RMND5A: variants seen among roughly 807,000 people sequenced by gnomAD.
The protein encoded by RMND5A is E3 ubiquitin-protein transferase RMND5A.
In RMND5A, 17 loss-of-function variants were observed where a neutral mutation model predicts 49.7. The observed-to-expected ratio is 0.34, with a 90% CI of 0.23 to 0.51. The LOEUF (loss-of-function observed/expected upper bound fraction) is 0.51. RMND5A is among the 20% of genes least tolerant of loss of function. RMND5A has a pLI of 0.96. For synonymous variants in RMND5A, 156 were observed against 167.7 expected, an observed-to-expected ratio of 0.93 and a Z score of 0.54; for missense variants, 255 against 471.3, an observed-to-expected ratio of 0.54 and a Z score of 4.25.
chr2:86,766,677 A>G (rs1258192706), intron 6 of RMND5A, among the ~76,000 whole-genome samples: 2 of 151,440 alleles, frequency 1.3e-5, no homozygotes, highest in East Asian at 3.9e-4. Flanking sequence ...AAAAAAAAAA[A>G]AAAAAGAAAA....
intron 4 of RMND5A, among the ~76,000 whole-genome samples, chr2:86,754,641 A>C (rs1681697191): frequency 6.6e-6 from 1 of 151,920 alleles, no homozygotes; most frequent in Admixed American, 6.6e-5. Context: ...ATCATGGCTC[A>C]CTCCAGCCCC....
intron 4 of RMND5A, among the ~76,000 whole-genome samples, chr2:86,762,700 C>CATATATATATCAT (rs1380564565): frequency 5.5e-4 from 3 of 5,498 alleles, no homozygotes; most frequent in African/African-American, 1.8e-3. Flanking sequence ...TCATATATAT[C>CATATATATATCAT]ATATATATCA....
rs1486085806 is a variant in RMND5A, at chr2:86,762,702, TATATATC to T, written c.522-2318_522-2312del. Among the ~76,000 whole-genome samples, 11 of 17,032 alleles carry T rather than the reference TATATATC, an allele frequency of 6.5e-4. No homozygotes were observed. The East Asian group carries it at 0.057, about 88-fold the overall frequency. The allele number at this position is 17,032 out of a possible 152,430, so 11.2% of individuals were successfully genotyped here. ...TATCATATATATATCATATATATCA[TATATATC>T]ATATATATCATATATATCATATATA... On this transcript the variant is annotated intron_variant, in intron 4 of 8. Coordinates refer to ENST00000283632, the MANE Select transcript of RMND5A (RefSeq NM_022780.4).
intron 3 of RMND5A, 79 bp downstream of exon 3, chr2:86,752,109 T>G (rs1681646248): frequency 7.6e-7 from 1 of 1,321,794 alleles, no homozygotes; most frequent in Admixed American, 2.1e-5. Flanking sequence ...CAGGGTGGGG[T>G]TTTGAGTCTT....
In RMND5A at chr2:86,738,567, G is replaced by GT. The variant is rs1431844200; in HGVS notation, c.143-2350dup. Among the ~76,000 whole-genome samples the GT allele has an allele frequency of 5.8e-3, 319 of 54,924 alleles. 87 individuals are homozygous for GT. Among genetic ancestry groups the GT allele is most frequent in the African/African-American group, 0.023 (296 of 12,660 alleles). 36.0% of individuals were successfully genotyped at this position (54,924 alleles called of 152,430 possible). On this transcript the variant is annotated intron_variant, in intron 1 of 8. Transcript: ENST00000283632. Reference sequence around the variant, plus strand: ...CAAAAAAAAAAAATGTTTTTTGTGGGTTTTTTTTTTAATTAGTTTACATGC... The same window carrying GT: ...CAAAAAAAAAAAATGTTTTTTGTGGGTTTTTTTTTTTAATTAGTTTACATGC...
intron 1 of RMND5A, among the ~76,000 whole-genome samples, chr2:86,721,355 G>T (rs6716259): frequency 0.038 from 5,764 of 151,808 alleles, 249 homozygotes; most frequent in East Asian, 0.1. Flanking sequence ...GTTAACAACA[G>T]CCGCTCCTGC....
At position 86,770,136 on chromosome 2, in the gene RMND5A, T is replaced by A. The variant is rs1266175155; in HGVS notation, c.957+11T>A. 1 of 1,557,176 alleles carries A rather than the reference T, an allele frequency of 6.4e-7. No homozygotes were observed. Among genetic ancestry groups the A allele is most frequent in the African/African-American group, 1.4e-5 (1 of 73,804 alleles). On this transcript the variant is annotated intron_variant, in intron 7 of 8. Coordinates refer to ENST00000283632, the MANE Select transcript of RMND5A (RefSeq NM_022780.4). ...AAAGATGAATTACCTGTGAGTTCCA[T>A]TTTCTATTGGCTATTTACTTTTACT...
intron 4 of RMND5A, among the ~76,000 whole-genome samples, chr2:86,759,787 G>A (rs1251306609): frequency 6.6e-6 from 1 of 151,880 alleles, no homozygotes; most frequent in Non-Finnish European, 1.5e-5. Flanking sequence ...GCAACAGAAT[G>A]AGACTCTGTC....
At chr2:86,768,442 A>C (rs1350944942) in intron 6 of RMND5A, among the ~76,000 whole-genome samples, 1 of 152,208 alleles carries the variant, frequency 6.6e-6, no homozygotes, top group Non-Finnish European at 1.5e-5. Flanking sequence ...GATGCCATCA[A>C]GTTCTCTGAG....
chr2:86,769,913 T>C, intron 6 of RMND5A, 110 bp from the exon 7 acceptor site: 1 of 726,168 alleles, frequency 1.4e-6, no homozygotes, highest in African/African-American at 1.8e-5. Flanking sequence ...TCTCACCCTG[T>C]CCAGTGGCCA....
intron 8 of RMND5A, among the ~76,000 whole-genome samples, chr2:86,773,036 C>A (rs970221047): frequency 6.6e-6 from 1 of 152,190 alleles, no homozygotes; most frequent in Non-Finnish European, 1.5e-5. Flanking sequence ...CTGTTGCAAC[C>A]TAAACCTTTG....
At chr2:86,723,864 C>T (rs1202038211) in intron 1 of RMND5A, among the ~76,000 whole-genome samples, 1 of 147,424 alleles carries the variant, frequency 6.8e-6, no homozygotes, top group Non-Finnish European at 1.5e-5. Context: ...CTGCAGTGAG[C>T]CCTAAAATTT....
rs1375790589 is a variant in RMND5A, at chr2:86,727,684, G to GCC, written c.142+6877_142+6878dup. Among the ~76,000 whole-genome samples, 9 of 78,160 alleles carry GCC rather than the reference G, an allele frequency of 1.2e-4. 4 individuals carry two copies. The highest frequency in any genetic ancestry group is 3.0e-4 in the Admixed American group (2 of 6,764). 51.3% of individuals were successfully genotyped at this position (78,160 alleles called of 152,430 possible). On this transcript the variant is annotated intron_variant, in intron 1 of 8. Coordinates refer to ENST00000283632, the MANE Select transcript of RMND5A (RefSeq NM_022780.4). ...CAGTTTAGGGAGAAAATTGTGGAGGGCCCTGGCTCTGAGCTATGTGTACTT... is the reference window on the plus strand; with the variant it reads ...CAGTTTAGGGAGAAAATTGTGGAGGGCCCCCTGGCTCTGAGCTATGTGTACTT...
At chr2:86,743,161 T>C (rs1328214532) in intron 2 of RMND5A, among the ~76,000 whole-genome samples, 1 of 152,190 alleles carries the variant, frequency 6.6e-6, no homozygotes, top group African/African-American at 2.4e-5. Context: ...ATAAGGGTTG[T>C]CAGATATTTT....
Position 86,765,974 on chromosome 2 carries a change from G to A in RMND5A, c.804G>A (p.Arg268=), listed in dbSNP as rs1459017367. 6.2e-7 allele frequency: 1 copy of A among 1,614,122 alleles called. No homozygotes were observed. Among genetic ancestry groups the A allele is most frequent in the Non-Finnish European group, 8.5e-7 (1 of 1,180,012 alleles). Residue 268 remains arginine, a synonymous_variant, in exon 6 of 9, where the codon CGG becomes CGA. Transcript: ENST00000283632. ...QWADICDIFT[R]DACALLGLSV... is the part of the protein sequence containing the mutation. The stretch of plus-strand genomic sequence containing the variant: ...CTGATATCTGTGACATCTTTACACG[G>A]GATGCTTGTGCCCTCCTGGGGCTCT...
At chr2:86,760,140 G>C (rs1457414523) in intron 4 of RMND5A, among the ~76,000 whole-genome samples, 1 of 151,974 alleles carries the variant, frequency 6.6e-6, no homozygotes, top group Non-Finnish European at 1.5e-5. Context: ...TGCCTCCCGA[G>C]TTCAAGCGAT....
At chr2:86,753,336 CTACTA>C (rs890766249) in intron 3 of RMND5A, 117 bp from the exon 4 acceptor site, 2 of 626,366 alleles carry the variant, frequency 3.2e-6, no homozygotes, top group Admixed American at 2.8e-5. Context: ...TCATCAGTCT[CTACTA>C]TAGGGAATTA....
Position 86,732,289 on chromosome 2 carries a change from C to T in RMND5A, c.143-8638C>T, listed in dbSNP as rs866756869. Among the ~76,000 whole-genome samples the T allele has an allele frequency of 2.5e-4, 38 of 150,110 alleles. 1 individual carries two copies. Among genetic ancestry groups the T allele is most frequent in the African/African-American group, 9.6e-4 (38 of 39,522 alleles). The stretch of plus-strand genomic sequence containing the variant: ...TTAGTTTTAGCAATGCTATCTTTAA[C>T]AGTGTGTTTGTGCAGTTGAACCCCC... On this transcript the variant is annotated intron_variant, in intron 1 of 8. Transcript: ENST00000283632.
intron 5 of RMND5A, 106 bp from the exon 6 acceptor site, chr2:86,765,753 G>A: frequency 1.1e-6 from 1 of 946,534 alleles, no homozygotes; most frequent in East Asian, 2.7e-5. Context: ...TAAAAGACCT[G>A]TTAATACATT....
Sources: allele counts gnomAD v4.1 joint callset (sites outside exome capture counted in the v4.1 genomes callset), GRCh38; gene constraint gnomAD v4.1.1; transcripts MANE v1.5; gene names NCBI Gene and HGNC (gene_info 2026-07-23, HGNC 2026-07-21).